The following ASPRV1 variants were observed in gnomAD, a reference collection of about 807,000 sequenced individuals.
The protein encoded by ASPRV1 is aspartic peptidase retroviral like 1.
Under a neutral mutation model 11.0 loss-of-function variants are expected in ASPRV1, and 7 were observed. That is an observed-to-expected ratio of 0.64 (90% CI 0.36 to 1.20). The LOEUF is 1.20. Among genes scored for constraint, ASPRV1 ranks in the 50% most tolerant of loss-of-function variants. The probability of loss-of-function intolerance (pLI) is 0.02; values close to 1 mark genes in which losing one functional copy is unlikely to be tolerated. For missense variants in ASPRV1, 299 were observed against 320.0 expected, an observed-to-expected ratio of 0.93 and a Z score of 0.50; for synonymous variants, 136 against 138.4, an observed-to-expected ratio of 0.98 and a Z score of 0.12.
chr2:70,085,250 A>C, the ASPRV1 span, among the ~76,000 whole-genome samples: 1 of 152,320 alleles, frequency 6.6e-6, no homozygotes, highest in Admixed American at 6.5e-5. Flanking sequence ...AGGTAGGCTC[A>C]AATGTGCCAC....
the ASPRV1 span, among the ~76,000 whole-genome samples, chr2:70,001,223 T>C: frequency 6.6e-6 from 1 of 152,176 alleles, no homozygotes; most frequent in African/African-American, 2.4e-5. Context: ...ATATAAACTC[T>C]GTAGCAGAAG....
chr2:70,050,685 C>T, the ASPRV1 span: 1 of 152,218 alleles, frequency 6.6e-6, no homozygotes, highest in Non-Finnish European at 1.5e-5. Context: ...TGCAGTGCTT[C>T]ACACCTGTAA....
the ASPRV1 span, chr2:70,030,221 G>C: frequency 6.6e-6 from 1 of 152,326 alleles, no homozygotes. Context: ...CTATCTCAGG[G>C]AAAGCAGGCT....
chr2:69,953,504 A>G, the ASPRV1 span, among the ~76,000 whole-genome samples: 1 of 152,222 alleles, frequency 6.6e-6, no homozygotes, highest in African/African-American at 2.4e-5. Context: ...GACGCTGGGC[A>G]TTTCCATGGA....
the ASPRV1 span, chr2:70,087,194 A>G: frequency 6.6e-6 from 1 of 152,162 alleles, no homozygotes; most frequent in Middle Eastern, 3.2e-3. Flanking sequence ...TCTATCCCGC[A>G]TACACAGCAC....
At chr2:69,935,336 G>T in the ASPRV1 span, 2 of 1,591,700 alleles carry the variant, frequency 1.3e-6, no homozygotes, top group Non-Finnish European at 8.6e-7. Flanking sequence ...TGCTACTGTG[G>T]TCTTGTTTTC....
chr2:70,067,002 AGAT>A, the ASPRV1 span, among the ~76,000 whole-genome samples: 3 of 152,222 alleles, frequency 2.0e-5, no homozygotes, highest in African/African-American at 7.2e-5. Flanking sequence ...ATATAAACTA[AGAT>A]GATGATAATA....
the ASPRV1 span, among the ~76,000 whole-genome samples, chr2:69,966,675 G>A: frequency 1.3e-5 from 2 of 152,222 alleles, no homozygotes; most frequent in African/African-American, 2.4e-5. Context: ...TTGGCTTAGA[G>A]CTGAACACAT....
chr2:69,998,898 G>C, the ASPRV1 span, among the ~76,000 whole-genome samples: 138 of 152,256 alleles, frequency 9.1e-4, no homozygotes, highest in African/African-American at 3.2e-3. Flanking sequence ...CAACACAGTG[G>C]GCTTGATGGC....
chr2:70,051,700 G>A, the ASPRV1 span, among the ~76,000 whole-genome samples: 2 of 152,168 alleles, frequency 1.3e-5, no homozygotes, highest in African/African-American at 2.4e-5. Flanking sequence ...AGGGTCAGGT[G>A]TGGTGGTTGA....
At chr2:70,066,497 C>T in the ASPRV1 span, among the ~76,000 whole-genome samples, 7 of 152,236 alleles carry the variant, frequency 4.6e-5, no homozygotes, top group Admixed American at 3.9e-4. Flanking sequence ...CCTTGGCCTC[C>T]CTCCTAAAGT....
the ASPRV1 span, among the ~76,000 whole-genome samples, chr2:70,044,414 C>T: frequency 1.6e-4 from 24 of 152,176 alleles, no homozygotes; most frequent in African/African-American, 5.5e-4. Context: ...CCAGCACCCA[C>T]TGCTATCTGG....
the ASPRV1 span, among the ~76,000 whole-genome samples, chr2:70,054,532 G>A: frequency 7.6e-4 from 116 of 151,874 alleles, no homozygotes; most frequent in Admixed American, 2.7e-3. Context: ...AGCCGAGATC[G>A]CGCCACTGCA....
At chr2:70,082,631 A>C in the ASPRV1 span, among the ~76,000 whole-genome samples, 952 of 152,258 alleles carry the variant, frequency 6.3e-3, 9 homozygotes, top group African/African-American at 0.022. Flanking sequence ...AATCGCTTGA[A>C]CCTGGGAGGC....
chr2:70,057,323 T>C, the ASPRV1 span, among the ~76,000 whole-genome samples: 1 of 152,276 alleles, frequency 6.6e-6, no homozygotes, highest in South Asian at 2.1e-4. Context: ...TCTCCTCTTT[T>C]TACATATAAA....
At chr2:69,993,877 C>T in the ASPRV1 span, 1 of 152,236 alleles carries the variant, frequency 6.6e-6, no homozygotes, top group Non-Finnish European at 1.5e-5. Context: ...AGCCACCCTT[C>T]CAGGCTGTTT....
chr2:69,963,252 C>T (rs1159761564), upstream of ASPRV1: 3 of 455,870 alleles, frequency 6.6e-6, no homozygotes, highest in East Asian at 2.1e-4. Context: ...TTCCAGGAGC[C>T]CAGAGGAGGG....
the ASPRV1 span, chr2:70,086,878 C>G: frequency 6.6e-6 from 1 of 152,380 alleles, no homozygotes; most frequent in African/African-American, 2.4e-5. Context: ...GTCTTTCTGC[C>G]CACCGGCCGC....
the ASPRV1 span, among the ~76,000 whole-genome samples, chr2:70,008,979 C>T: frequency 4.6e-5 from 7 of 152,152 alleles, no homozygotes; most frequent in African/African-American, 1.7e-4. Flanking sequence ...CACACAAAAG[C>T]CAGAGATGCC....
Sources: gnomAD v4.1 joint callset for allele counts (sites outside exome capture counted in the v4.1 genomes callset) on GRCh38, gnomAD v4.1.1 for gene constraint, MANE v1.5 for transcripts, NCBI Gene and HGNC (gene_info 2026-07-23, HGNC 2026-07-21) for gene names.